GAS6: variants seen among roughly 807,000 people sequenced by gnomAD.
GAS6 encodes growth arrest specific 6, also known as growth arrest-specific protein 6.
In GAS6, 41 loss-of-function variants were observed where a neutral mutation model predicts 75.8. The ratio of observed to expected loss-of-function variants is 0.54; its 90% confidence interval spans 0.42 to 0.70. The LOEUF (loss-of-function observed/expected upper bound fraction) is 0.70, where lower values mean the gene tolerates loss of function less well. Among genes scored for constraint, GAS6 ranks in the 30% least tolerant of loss-of-function variants. GAS6 has a pLI of 0.00. For missense variants in GAS6, 854 were observed against 940.2 expected, an observed-to-expected ratio of 0.91 and a Z score of 1.20; for synonymous variants, 432 against 412.6, an observed-to-expected ratio of 1.05 and a Z score of -0.57.
intron 12 of GAS6, among the ~76,000 whole-genome samples, chr13:113,825,078 T>C (rs1203488594): frequency 6.6e-6 from 1 of 150,546 alleles, no homozygotes; most frequent in Non-Finnish European, 1.5e-5. Context: ...ATTAGCTGGG[T>C]GTGGTGGTGC....
intron 11 of GAS6, among the ~76,000 whole-genome samples, chr13:113,828,072 G>A (rs1025090159): frequency 2.0e-5 from 3 of 152,094 alleles, no homozygotes; most frequent in African/African-American, 4.8e-5. Context: ...TCAGAAGATC[G>A]AGACCACGGC....
intron 8 of GAS6, among the ~76,000 whole-genome samples, chr13:113,834,191 C>T (rs918449839): frequency 5.7e-5 from 8 of 140,790 alleles, no homozygotes; most frequent in Non-Finnish European, 1.2e-4. Context: ...CTGTGACAGG[C>T]ACCGGTGTGA....
chr13:113,837,939 G>T lies in GAS6; in HGVS notation c.589+130C>A. The T allele has an allele frequency of 2.7e-6, 3 of 1,099,214 alleles. No homozygotes were observed. The highest frequency in any genetic ancestry group is 1.4e-5 in the South Asian group (1 of 69,188). 68.1% of individuals were successfully genotyped at this position (1,099,214 alleles called of 1,614,324 possible). ...GCTGGCCTGGGCTTGTGTAGTCTCT[G>T]CAGGATGCCCCATCCCATCCAGAAC... On this transcript the variant is annotated intron_variant, in intron 6 of 14. Transcript: ENST00000327773. This position sits in a 1 kb window ranked among gnomAD's most constrained non-coding sequence, Gnocchi z 5.1.
chr13:113,861,617 G>A (rs2051971773), intron 2 of GAS6, among the ~76,000 whole-genome samples: 2 of 152,176 alleles, frequency 1.3e-5, no homozygotes, highest in Non-Finnish European at 2.9e-5. Context: ...GTGTGGCAGA[G>A]GATGCAGTGG....
intron 5 of GAS6, chr13:113,838,958 T>C (rs2051747382): frequency 5.6e-6 from 1 of 180,120 alleles, no homozygotes; most frequent in African/African-American, 2.4e-5. Flanking sequence ...CCCCTGGTCC[T>C]GGCCTTGCGT....
At chr13:113,858,747 G>C (rs1566376083) in intron 2 of GAS6, among the ~76,000 whole-genome samples, 1 of 151,984 alleles carries the variant, frequency 6.6e-6, no homozygotes. Flanking sequence ...GTACATGTCT[G>C]TTAGTATGTG....
At chr13:113,859,602 ATGTGTGTGCCTG>A (rs61718602) in intron 2 of GAS6, among the ~76,000 whole-genome samples, 15,891 of 151,638 alleles carry the variant, frequency 0.1, 1,139 homozygotes, top group South Asian at 0.35. Context: ...GTCTGTTAGT[ATGTGTGTGCCTG>A]TGTGTGTGCA....
intron 6 of GAS6, among the ~76,000 whole-genome samples, chr13:113,836,218 G>T (rs866213395): frequency 1.0e-4 from 2 of 19,472 alleles, no homozygotes; most frequent in African/African-American, 6.0e-4. Context: ...AGGAGAAGGG[G>T]GAGTAGGAGT....
chr13:113,822,284 G>A (rs1051980657), intron 13 of GAS6, 98 bp from the exon 14 acceptor site: 103 of 932,072 alleles, frequency 1.1e-4, no homozygotes, highest in South Asian at 1.1e-3. Context: ...CCCCTACGCC[G>A]CACGCCTGTC....
In GAS6 at chr13:113,820,698, C is replaced by T. The variant is rs11541918; in HGVS notation, c.*166G>A. 13 of 804,022 alleles carry T rather than the reference C, an allele frequency of 1.6e-5. No individual in the cohort carries two copies. The highest frequency in any genetic ancestry group is 2.9e-5 in the Admixed American group (1 of 34,214). 49.8% of individuals were successfully genotyped at this position (804,022 alleles called of 1,614,324 possible). ...CCCGGGCCCACGGCTGAGTGCGCGGCGTCAGAGGCCCCAAGTCCATCTCAC... is the reference window on the plus strand; with the variant it reads ...CCCGGGCCCACGGCTGAGTGCGCGGTGTCAGAGGCCCCAAGTCCATCTCAC... On this transcript the variant is annotated 3_prime_UTR_variant, in exon 15 of 15. Transcript: ENST00000327773.
At position 113,855,154 on chromosome 13, in the gene GAS6, T is replaced by G. The variant is rs529526145; in HGVS notation, c.256-7104A>C. ...ATTCTGCAGTTAGAGCCGTGTGGAC[T>G]CGGTCCCCATCTCCGGTGAGGGCGT... On this transcript the variant is annotated intron_variant, in intron 2 of 14. Coordinates refer to ENST00000327773, the MANE Select transcript of GAS6 (RefSeq NM_000820.4). Among the ~76,000 whole-genome samples, 15 of 151,560 alleles carry G rather than the reference T, an allele frequency of 9.9e-5. No homozygotes were observed. The South Asian group carries it at 2.9e-3, about 30-fold the overall frequency.
chr13:113,838,358 C>A, intron 5 of GAS6, 167 bp from the exon 6 acceptor site: 2 of 780,606 alleles, frequency 2.6e-6, no homozygotes, highest in East Asian at 2.7e-5. Flanking sequence ...CACAGCCCAG[C>A]CCTGGAGCAG....
chr13:113,821,242 T>C (rs2051453938), intron 14 of GAS6: 2 of 578,654 alleles, frequency 3.5e-6, no homozygotes, highest in African/African-American at 3.7e-5. Flanking sequence ...AGCCCTCCCT[T>C]CCCCGCTGGG....
chr13:113,828,935 C>G (rs1400375566), intron 10 of GAS6, among the ~76,000 whole-genome samples: 3 of 129,870 alleles, frequency 2.3e-5, no homozygotes, highest in African/African-American at 6.9e-5. Context: ...TGATCCTCCC[C>G]TGAGCCAAGA....
intron 7 of GAS6, 179 bp from the exon 8 acceptor site, chr13:113,834,851 G>A (rs374867038): frequency 1.7e-5 from 9 of 533,476 alleles, no homozygotes; most frequent in South Asian, 6.4e-5. Flanking sequence ...TTGCACCCTC[G>A]GCCTGCTCCT....
intron 12 of GAS6, 74 bp from the exon 13 acceptor site, chr13:113,823,624 G>A (rs1016241854): frequency 1.9e-5 from 27 of 1,415,586 alleles, no homozygotes; most frequent in East Asian, 9.7e-5. Context: ...GCAGGGCCTC[G>A]AGAGATGCAG....
At chr13:113,821,266 C>G (rs2051454218) in intron 14 of GAS6, 1 of 562,944 alleles carries the variant, frequency 1.8e-6, no homozygotes, top group Non-Finnish European at 3.2e-6. Context: ...ACAGACAGTC[C>G]CATCGGTTAA....
In GAS6 at chr13:113,848,165, GC is replaced by G; in HGVS notation, c.256-116del. 1 of 1,108,360 alleles carries G rather than the reference GC, an allele frequency of 9.0e-7. No homozygotes were observed. The highest frequency in any genetic ancestry group is 1.3e-6 in the Non-Finnish European group (1 of 752,380). The allele number at this position is 1,108,360 out of a possible 1,614,324, so 68.7% of individuals were successfully genotyped here. A position where few individuals can be genotyped will look rare whatever the true frequency, so the allele number is the denominator to read the frequency against. On this transcript the variant is annotated intron_variant, in intron 2 of 14. Coordinates refer to ENST00000327773, the MANE Select transcript of GAS6 (RefSeq NM_000820.4). The surrounding 1 kb of genome is among the most constrained non-coding windows in gnomAD (Gnocchi z 4.8). The stretch of plus-strand genomic sequence containing the variant: ...CTGCTCTCGGGGCAGCCAGAGGGCC[GC>G]CCCACCCGGGGAACTGAGGGGAAGT...
chr13:113,840,969 C>T (rs1399575837), intron 4 of GAS6: 1 of 152,384 alleles, frequency 6.6e-6, no homozygotes, highest in East Asian at 1.9e-4. Context: ...GGCACTGGGC[C>T]AGCATCGTCC....
Sources: allele counts gnomAD v4.1 joint callset (sites outside exome capture counted in the v4.1 genomes callset), GRCh38; gene constraint gnomAD v4.1.1; non-coding constraint Gnocchi (gnomAD v3.1); transcripts MANE v1.5; gene names NCBI Gene and HGNC (gene_info 2026-07-23, HGNC 2026-07-21).